DCLK1: variants seen among roughly 807,000 people sequenced by gnomAD.
DCLK1 encodes the protein doublecortin like kinase 1, also known as serine/threonine-protein kinase DCLK1.
A neutral mutation model predicts 86.2 loss-of-function variants in DCLK1; 16 were observed. That is an observed-to-expected ratio of 0.19 (90% confidence interval 0.13 to 0.28). DCLK1 has a LOEUF of 0.28. Among genes scored for constraint, DCLK1 ranks in the 10% least tolerant of loss-of-function variants. DCLK1 has a pLI of 1.00. For missense variants in DCLK1, 590 were observed against 940.2 expected (o/e 0.63, Z 4.87); for synonymous variants, 369 against 370.5 (o/e 1.00, Z 0.05).
intron 3 of DCLK1, among the ~76,000 whole-genome samples, chr13:35,951,567 C>G (rs1034110318): frequency 2.0e-5 from 3 of 151,474 alleles, no homozygotes; most frequent in Non-Finnish European, 2.9e-5. Flanking sequence ...GAACCTCTAC[C>G]CATTGATCAA....
At chr13:36,124,183 G>A (rs183968611) in intron 2 of DCLK1, among the ~76,000 whole-genome samples, 4 of 152,298 alleles carry the variant, frequency 2.6e-5, no homozygotes, top group Admixed American at 1.3e-4. Context: ...CTGACTTTGC[G>A]TATAACTTTT....
chr13:36,090,504 A>G (rs964941260), intron 3 of DCLK1, among the ~76,000 whole-genome samples: 6 of 152,128 alleles, frequency 3.9e-5, no homozygotes, highest in South Asian at 2.1e-4. Context: ...GAAGAGGCCA[A>G]TATCTCCAAG....
intron 4 of DCLK1, among the ~76,000 whole-genome samples, chr13:35,933,502 A>G (rs1339149103): frequency 6.6e-6 from 1 of 152,094 alleles, no homozygotes; most frequent in Non-Finnish European, 1.5e-5. Context: ...GCATTTCCAT[A>G]CACCCTCTGA....
At chr13:35,794,923 G>A (rs1194296320) in intron 15 of DCLK1, among the ~76,000 whole-genome samples, 1 of 152,338 alleles carries the variant, frequency 6.6e-6, no homozygotes, top group East Asian at 1.9e-4. Context: ...CAAGGGCTAT[G>A]TTAGGAATAG....
In DCLK1 at chr13:36,125,963, C is replaced by A; in HGVS notation, c.175G>T (p.Val59Phe). ...CGATCTCCGTTTCGATAGAAACGAA[C>A]TTTCTTGGCCTTCTTCTCGGAGCTG... ...TLSSEKKAKK[V>F]RFYRNGDRYF... Residue 59 changes from valine to phenylalanine, a missense_variant, in exon 2 of 17, where the codon GTT becomes TTT. By Grantham distance (50) the Val-to-Phe change is conservative. Transcript: ENST00000360631. The A allele has an allele frequency of 6.2e-7, 1 of 1,614,202 alleles. No homozygotes were observed. Among genetic ancestry groups the A allele is most frequent in the Non-Finnish European group, 8.5e-7 (1 of 1,180,040 alleles).
chr13:35,848,227 A>C (rs1317864591), intron 6 of DCLK1: 4 of 985,104 alleles, frequency 4.1e-6, no homozygotes, highest in Non-Finnish European at 3.6e-6. Context: ...TTTTTTTATA[A>C]AGAATTCTAT....
intron 3 of DCLK1, among the ~76,000 whole-genome samples, chr13:36,081,400 A>C (rs1418124891): frequency 6.6e-6 from 1 of 152,066 alleles, no homozygotes; most frequent in African/African-American, 2.4e-5. Flanking sequence ...ATGAAGCAGA[A>C]AAAAAAATTC....
At chr13:36,024,111 G>A (rs1244026693) in intron 3 of DCLK1, among the ~76,000 whole-genome samples, 1 of 151,388 alleles carries the variant, frequency 6.6e-6, no homozygotes, top group African/African-American at 2.4e-5. Flanking sequence ...GGCAAGGCTG[G>A]TCTCAAACTC....
chr13:36,076,123 T>G (rs1354705714), intron 3 of DCLK1, among the ~76,000 whole-genome samples: 1 of 152,220 alleles, frequency 6.6e-6, no homozygotes, highest in African/African-American at 2.4e-5. Context: ...ATTATTTTTC[T>G]TAAGAGTCAA....
chr13:36,124,875 T>G (rs193039120), intron 2 of DCLK1, among the ~76,000 whole-genome samples: 142 of 152,284 alleles, frequency 9.3e-4, no homozygotes, highest in African/African-American at 3.4e-3. Flanking sequence ...TGCTAGCTTT[T>G]TTTGCACCTT....
At chr13:36,090,703 C>T (rs1884787446) in intron 3 of DCLK1, among the ~76,000 whole-genome samples, 1 of 152,142 alleles carries the variant, frequency 6.6e-6, no homozygotes, top group Non-Finnish European at 1.5e-5. Flanking sequence ...ATTCCCAAAA[C>T]ATTTCTGGGC....
intron 10 of DCLK1, among the ~76,000 whole-genome samples, chr13:35,824,658 T>C (rs972085303): frequency 6.6e-6 from 1 of 152,146 alleles, no homozygotes; most frequent in Non-Finnish European, 1.5e-5. Context: ...GAGCTCCTTA[T>C]CCAAAGCATC....
chr13:35,829,779 T>C lies in DCLK1; in HGVS notation c.1230-1472A>G, dbSNP rs568234173. Among the ~76,000 whole-genome samples, 31 of 152,238 alleles carry C rather than the reference T, an allele frequency of 2.0e-4. No individual in the cohort carries two copies. In the South Asian group the frequency reaches 6.0e-3, roughly 30 times the overall value. On this transcript the variant is annotated intron_variant, in intron 8 of 16. Transcript: ENST00000360631. The stretch of plus-strand genomic sequence containing the variant: ...CTAGAGGGCTTTGGGGTTCAGGTGG[T>C]AGAAGGTAAACCCTTTGCTTCGGGG...
chr13:35,875,797 C>T (rs1346648188), intron 4 of DCLK1, among the ~76,000 whole-genome samples: 1 of 152,078 alleles, frequency 6.6e-6, no homozygotes, highest in Non-Finnish European at 1.5e-5. Flanking sequence ...AAATATCGGC[C>T]CAAATTGCTG....
chr13:36,045,589 C>T (rs573960751), intron 3 of DCLK1, among the ~76,000 whole-genome samples: 166 of 151,872 alleles, frequency 1.1e-3, no homozygotes, highest in African/African-American at 3.6e-3. Context: ...TGGTGGCTCA[C>T]GCCTATAATC....
chr13:36,094,951 A>T (rs1235271671), intron 3 of DCLK1, among the ~76,000 whole-genome samples: 1 of 152,198 alleles, frequency 6.6e-6, no homozygotes, highest in East Asian at 1.9e-4. Context: ...AGGAAGGACC[A>T]CATGTCTATG....
At chr13:35,852,391 C>G (rs1870717453) in intron 6 of DCLK1, among the ~76,000 whole-genome samples, 1 of 152,138 alleles carries the variant, frequency 6.6e-6, no homozygotes, top group African/African-American at 2.4e-5. Flanking sequence ...TGGGGAGGTT[C>G]ATTTATGGCC....
intron 3 of DCLK1, among the ~76,000 whole-genome samples, chr13:36,061,390 T>G (rs1476923407): frequency 1.1e-4 from 17 of 152,160 alleles, no homozygotes; most frequent in Admixed American, 1.1e-3. Context: ...ATTTACTCCC[T>G]TTTCTAAAAT....
chr13:35,848,567 T>C (rs1870381627), intron 6 of DCLK1: 1 of 985,300 alleles, frequency 1.0e-6, no homozygotes, highest in Non-Finnish European at 1.2e-6. Flanking sequence ...TTAGTACAAG[T>C]CCAGTTTCTT....
Sources: allele counts gnomAD v4.1 joint callset (sites outside exome capture counted in the v4.1 genomes callset), GRCh38; gene constraint gnomAD v4.1.1; transcripts MANE v1.5; gene names NCBI Gene and HGNC (gene_info 2026-07-23, HGNC 2026-07-21).